The following RAPGEF6 variants were observed in gnomAD, a reference collection of about 807,000 sequenced individuals.
The protein encoded by RAPGEF6 is Rap guanine nucleotide exchange factor 6, also known as PDZ domain containing guanine nucleotide exchange factor (GEF) 2.
RAPGEF6 carries 56 observed loss-of-function variants against 171.4 expected under a neutral mutation model. The ratio of observed to expected loss-of-function variants is 0.33; its 90% CI spans 0.26 to 0.41. RAPGEF6 has a LOEUF of 0.41. RAPGEF6 is among the 10% of genes least tolerant of loss of function. The pLI is 1.00. For missense variants in RAPGEF6, 1,674 were observed against 1,921.4 expected, an observed-to-expected ratio of 0.87 and a Z score of 2.41; for synonymous variants, 692 against 650.1, an observed-to-expected ratio of 1.06 and a Z score of -0.98.
intron 1 of RAPGEF6, among the ~76,000 whole-genome samples, chr5:131,604,894 C>T (rs1236009450): frequency 6.6e-6 from 1 of 152,156 alleles, no homozygotes; most frequent in African/African-American, 2.4e-5. Context: ...TCCTCTTCAA[C>T]GTGACCAATG....
rs569394323 is a variant in RAPGEF6 at position 131,604,783 on chromosome 5, C to A, written c.70-90G>T. ...CACAATTCTGATTTTAAGCAAACAA[C>A]CACTTATGGCAAAGCAGTTAACTAT... On this transcript the variant is annotated intron_variant, in intron 1 of 27. Transcript: ENST00000509018. The A allele has an allele frequency of 3.6e-6, 5 of 1,407,542 alleles. No individual in the cohort carries two copies. In the Admixed American group the frequency reaches 8.5e-5, roughly 24 times the overall value. The allele number at this position is 1,407,542 out of a possible 1,614,324, so 87.2% of individuals were successfully genotyped here.
At chr5:131,474,683 T>C (rs562422456) in intron 16 of RAPGEF6, among the ~76,000 whole-genome samples, 52 of 152,300 alleles carry the variant, frequency 3.4e-4, no homozygotes, top group African/African-American at 1.1e-3. Context: ...TTGGTTTGTA[T>C]TCCTAAAGGT....
chr5:131,567,367 ACTAGAT>A (rs1457248176), intron 4 of RAPGEF6, among the ~76,000 whole-genome samples: 11 of 152,158 alleles, frequency 7.2e-5, no homozygotes, highest in Non-Finnish European at 1.5e-5. Context: ...TCTTAAGATG[ACTAGAT>A]CAAAACCATT....
intron 24 of RAPGEF6, among the ~76,000 whole-genome samples, chr5:131,437,104 C>T (rs974912646): frequency 6.6e-6 from 1 of 152,086 alleles, no homozygotes; most frequent in Admixed American, 6.5e-5. Context: ...AACCTGTCTA[C>T]AAAAATAGAA....
intron 7 of RAPGEF6, 41 bp downstream of exon 7, chr5:131,521,349 A>T (rs544837426): frequency 6.6e-7 from 1 of 1,510,166 alleles, no homozygotes; most frequent in Non-Finnish European, 8.9e-7. Flanking sequence ...CTGGCAAATA[A>T]AAAAACCATA....
chr5:131,538,074 A>G (rs1169649904), intron 6 of RAPGEF6, among the ~76,000 whole-genome samples: 1 of 152,188 alleles, frequency 6.6e-6, no homozygotes, highest in African/African-American at 2.4e-5. Flanking sequence ...TCTAGTTGAC[A>G]GCGAGACCGT....
intron 21 of RAPGEF6, among the ~76,000 whole-genome samples, chr5:131,450,240 C>T (rs1752976499): frequency 6.6e-6 from 1 of 151,926 alleles, no homozygotes; most frequent in African/African-American, 2.4e-5. Flanking sequence ...TACTGAAGGT[C>T]AAAAAAGCTC....
intron 16 of RAPGEF6, among the ~76,000 whole-genome samples, chr5:131,478,909 G>A (rs1755283745): frequency 6.6e-6 from 1 of 152,176 alleles, no homozygotes; most frequent in Non-Finnish European, 1.5e-5. Context: ...TATGTGCTAA[G>A]TATTGTACTG....
At chr5:131,462,541 A>G (rs988275353) in intron 18 of RAPGEF6, among the ~76,000 whole-genome samples, 3 of 152,222 alleles carry the variant, frequency 2.0e-5, no homozygotes, top group African/African-American at 4.8e-5. Context: ...TTCCTTTTTA[A>G]ATAAATTTCC....
rs1751435764 is a variant in RAPGEF6, at chr5:131,427,287, A to G, written c.4785T>C (p.Asn1595=). Residue 1595 remains asparagine, a synonymous_variant, in exon 28 of 28, where the codon AAT becomes AAC. Coordinates refer to ENST00000509018, the MANE Select transcript of RAPGEF6 (RefSeq NM_016340.6). Reference sequence around the variant, plus strand: ...AAGGCTAGACTGCTGAAACTTGTTCATTTTCTGAAAATAAAAAATATATAA... The same window carrying G: ...AAGGCTAGACTGCTGAAACTTGTTCGTTTTCTGAAAATAAAAAATATATAA... The part of the protein sequence containing the change: ...VTDADSEADE[N]EQVSAV 3 of 1,606,100 alleles carry G rather than the reference A, an allele frequency of 1.9e-6. No individual in the cohort carries two copies.
At chr5:131,545,338 G>A (rs1018349246) in intron 6 of RAPGEF6, among the ~76,000 whole-genome samples, 1 of 151,784 alleles carries the variant, frequency 6.6e-6, no homozygotes, top group Non-Finnish European at 1.5e-5. Context: ...ATAAACAACA[G>A]TTAACATCTT....
intron 16 of RAPGEF6, among the ~76,000 whole-genome samples, chr5:131,475,918 G>A (rs1016312669): frequency 6.6e-6 from 1 of 152,120 alleles, no homozygotes; most frequent in Admixed American, 6.5e-5. Flanking sequence ...TGTTCTTGGT[G>A]CCTCTTCCAA....
At chr5:131,538,912 A>G (rs990612548) in intron 6 of RAPGEF6, among the ~76,000 whole-genome samples, 1 of 152,182 alleles carries the variant, frequency 6.6e-6, no homozygotes, top group Non-Finnish European at 1.5e-5. Context: ...CAAGAATTCC[A>G]TATTATTTCC....
At chr5:131,590,382 G>A (rs984129086) in intron 4 of RAPGEF6, among the ~76,000 whole-genome samples, 7 of 152,110 alleles carry the variant, frequency 4.6e-5, no homozygotes, top group East Asian at 3.9e-4. Flanking sequence ...GGGCAACAGC[G>A]ACTCTGTCTC....
At chr5:131,496,203 T>G (rs1047649742) in intron 12 of RAPGEF6, among the ~76,000 whole-genome samples, 2 of 152,076 alleles carry the variant, frequency 1.3e-5, no homozygotes, top group African/African-American at 4.8e-5. Context: ...ACAAAAACCC[T>G]TACAAATCTG....
At position 131,424,974 on chromosome 5, in the gene RAPGEF6, C is replaced by T. The variant is rs1157800554; in HGVS notation, c.*2292G>A. ...TCTCTTGTTCTAGTCATATGACAAA[C>T]TAAGAGAAGGCAGGAATGTACCCTT... On this transcript the variant is annotated 3_prime_UTR_variant, in exon 28 of 28. Transcript: ENST00000509018. The T allele has an allele frequency of 2.6e-5, 4 of 152,388 alleles. No homozygotes were observed. In the South Asian group the frequency reaches 8.3e-4, roughly 32 times the overall value. 9.4% of individuals were successfully genotyped at this position (152,388 alleles called of 1,614,324 possible).
At chr5:131,486,898 G>C (rs1465416838) in intron 15 of RAPGEF6, among the ~76,000 whole-genome samples, 1 of 152,024 alleles carries the variant, frequency 6.6e-6, no homozygotes, top group Non-Finnish European at 1.5e-5. Flanking sequence ...ATTTTCTCCA[G>C]AATCTATAAG....
chr5:131,592,492 T>C, intron 3 of RAPGEF6, 26 bp from the exon 4 acceptor site: 10 of 1,605,388 alleles, frequency 6.2e-6, no homozygotes, highest in Non-Finnish European at 8.5e-6. Context: ...AGTAAATAAA[T>C]GAGCAAAACA....
At chr5:131,586,212 TAA>T (rs1763246521) in intron 4 of RAPGEF6, among the ~76,000 whole-genome samples, 1 of 152,164 alleles carries the variant, frequency 6.6e-6, no homozygotes. Flanking sequence ...CGACAATGAA[TAA>T]GACAGAGTGG....
Sources: gnomAD v4.1 joint callset for allele counts (sites outside exome capture counted in the v4.1 genomes callset) on GRCh38, gnomAD v4.1.1 for gene constraint, MANE v1.5 for transcripts, NCBI Gene and HGNC (gene_info 2026-07-23, HGNC 2026-07-21) for gene names.